MROH2A: variants seen among roughly 807,000 people sequenced by gnomAD.
The protein encoded by MROH2A is maestro heat like repeat family member 2A.
MROH2A carries 174 observed loss-of-function variants against 200.4 expected under a neutral mutation model. That is an observed-to-expected ratio of 0.87 (90% CI 0.77 to 0.98). MROH2A has a LOEUF of 0.98. MROH2A is among the 50% of genes least tolerant of loss of function. The pLI is 0.00. For missense variants in MROH2A, 2,045 were observed against 2,139.6 expected, an observed-to-expected ratio of 0.96 and a Z score of 0.87; for synonymous variants, 829 against 840.4, an observed-to-expected ratio of 0.99 and a Z score of 0.23.
Position 233,807,743 on chromosome 2 carries a change from T to C in MROH2A, c.2183T>C (p.Met728Thr). 2 of 1,550,714 alleles carry C rather than the reference T, an allele frequency of 1.3e-6. No individual in the cohort carries two copies. The highest frequency in any genetic ancestry group is 1.7e-6 in the Non-Finnish European group (2 of 1,147,014). ...SNDFDSEGVI[M>T]CFGLCARGQV... ...TGGGTCTCCCTGCAGGGTGTGATTA[T>C]GTGCTTTGGCCTGTGTGCCCGGGGC... The change falls in exon 21 of 42, where the codon ATG becomes ACG. Residue 728 changes from methionine to threonine, a missense_variant. Transcript: ENST00000389758. This position sits in a 1 kb window ranked among gnomAD's most constrained non-coding sequence, Gnocchi z 4.3.
At chr2:233,817,868 C>G in intron 27 of MROH2A, 134 bp from the exon 28 acceptor site, 2 of 1,083,086 alleles carry the variant, frequency 1.8e-6, no homozygotes, top group East Asian at 5.3e-5. Context: ...CAGACAGTGG[C>G]ACCCTCCCCT....
At chr2:233,793,042 G>A (rs1701881901) in intron 6 of MROH2A, 148 bp downstream of exon 6, 1 of 801,942 alleles carries the variant, frequency 1.2e-6, no homozygotes, top group Non-Finnish European at 1.9e-6. Flanking sequence ...TTTACTTCGT[G>A]TGGCCTCTGA....
Position 233,807,420 on chromosome 2 carries a change from C to T in MROH2A, c.2053-3C>T. 1.9e-6 allele frequency: 3 copies of T among 1,549,906 alleles called. No homozygotes were observed. The Admixed American group carries it at 5.9e-5, about 30-fold the overall frequency. ...AGCTCCTTCCTCCCTTCTGCCTCTC[C>T]AGGGCTTTCTGTACCGGGCCTTGGG... On this transcript the variant is annotated splice_polypyrimidine_tract_variant and splice_region_variant and intron_variant, in intron 19 of 41. Transcript: ENST00000389758. The surrounding 1 kb of genome is among the most constrained non-coding windows in gnomAD (Gnocchi z 4.3).
In MROH2A at chr2:233,790,547, CCTTTCTTTTTCT is replaced by C. The variant is rs1349771925; in HGVS notation, c.571+535_571+546del. On this transcript the variant is annotated intron_variant, in intron 5 of 41. Coordinates refer to ENST00000389758, the MANE Select transcript of MROH2A (RefSeq NM_001394639.1). ...TTACTTACTCTTTCCCCTCCCTCCC[CCTTTCTTTTTCT>C]CCTTCCTTCCTTCCTTCCTCCCTCC... 7.7e-4 allele frequency among the ~76,000 whole-genome samples: 32 copies of C among 41,682 alleles called. 4 individuals are homozygous for C. Among genetic ancestry groups the C allele is most frequent in the South Asian group, 2.8e-3 (2 of 726 alleles). The allele number at this position is 41,682 out of a possible 152,430, so 27.3% of individuals were successfully genotyped here.
rs1394536126 is a variant in MROH2A, at chr2:233,810,046, C to T, written c.2449-748C>T. Among the ~76,000 whole-genome samples, 4 of 152,160 alleles carry T rather than the reference C, an allele frequency of 2.6e-5. No individual in the cohort carries two copies. In the East Asian group the frequency reaches 7.7e-4, roughly 29 times the overall value. ...GGCTTATTTCATTTATCATAATGTT[C>T]TCAAGGTTCATCCATGTAAAAGCAA... On this transcript the variant is annotated intron_variant, in intron 22 of 41. Coordinates refer to ENST00000389758, the MANE Select transcript of MROH2A (RefSeq NM_001394639.1).
intron 3 of MROH2A, among the ~76,000 whole-genome samples, chr2:233,785,545 A>G (rs7593585): frequency 0.052 from 7,857 of 151,804 alleles, 744 homozygotes; most frequent in African/African-American, 0.18. Flanking sequence ...ATGCAGGGTC[A>G]CACAGGGGAA....
intron 38 of MROH2A, among the ~76,000 whole-genome samples, chr2:233,830,863 C>T (rs1704687942): frequency 6.6e-6 from 1 of 152,236 alleles, no homozygotes; most frequent in Non-Finnish European, 1.5e-5. Context: ...TCAGCCCACA[C>T]TGTTCTTCCA....
In MROH2A at chr2:233,818,199, G is replaced by A. The variant is rs368384159; in HGVS notation, c.3085+74G>A. 27 of 1,516,552 alleles carry A rather than the reference G, an allele frequency of 1.8e-5. No individual in the cohort carries two copies. The Admixed American group carries it at 3.8e-4, about 21-fold the overall frequency. The allele number at this position is 1,516,552 out of a possible 1,614,324, so 93.9% of individuals were successfully genotyped here. ...GGCTGACTCCAGGAGTATGGGCTGC[G>A]GCCTGCCCTGGAGGGAAGGATGGCC... On this transcript the variant is annotated intron_variant, in intron 28 of 41. Coordinates refer to ENST00000389758, the MANE Select transcript of MROH2A (RefSeq NM_001394639.1).
Position 233,809,163 on chromosome 2 carries a change from C to A in MROH2A, c.2333C>A (p.Ala778Asp). 6.4e-7 allele frequency: 1 copy of A among 1,550,432 alleles called. No individual in the cohort carries two copies. Among genetic ancestry groups the A allele is most frequent in the East Asian group, 2.4e-5 (1 of 40,912 alleles). ...HPWRRETVKSALMVMYSCVAS... is the reference protein window; with the variant it reads ...HPWRRETVKSDLMVMYSCVAS... ...TGGAGGCGGGAGACAGTGAAAAGTG[C>A]CCTCATGGTGATGTATAGCTGCGTG... The change falls in exon 22 of 42, where the codon GCC (alanine) becomes GAC (aspartate). Residue 778 changes from alanine to aspartate, a missense_variant. Coordinates refer to ENST00000389758, the MANE Select transcript of MROH2A (RefSeq NM_001394639.1).
intron 25 of MROH2A, among the ~76,000 whole-genome samples, chr2:233,813,993 C>T (rs150265471): frequency 8.8e-4 from 134 of 152,294 alleles, no homozygotes; most frequent in African/African-American, 2.9e-3. Flanking sequence ...TTATTTATCA[C>T]CCAAGTCAAG....
intron 23 of MROH2A, 33 bp downstream of exon 23, chr2:233,810,949 TC>T (rs1182358425): frequency 6.5e-7 from 1 of 1,547,590 alleles, no homozygotes; most frequent in African/African-American, 1.4e-5. Flanking sequence ...TTGGTCCTGT[TC>T]CTGGTTTTGG....
Position 233,822,511 on chromosome 2 carries a change from A to G in MROH2A, c.3821A>G (p.Lys1274Arg), listed in dbSNP as rs1704014201. The change falls in exon 33 of 42, where the codon AAG (lysine) becomes AGG (arginine). Residue 1274 changes from lysine to arginine, a missense_variant. Lys to Arg is a conservative substitution (Grantham distance 26). Transcript: ENST00000389758. Reference protein sequence around the residue: ...EAAPPVLKMWKLVHTTPLPEE... With the variant: ...EAAPPVLKMWRLVHTTPLPEE... The stretch of plus-strand genomic sequence containing the variant: ...GCCCCGCCGGTCTTGAAGATGTGGA[A>G]GCTGGTCCACACCACTCCTCTGCCG... 1.3e-6 allele frequency: 2 copies of G among 1,550,630 alleles called. No individual in the cohort carries two copies. The highest frequency in any genetic ancestry group is 1.7e-6 in the Non-Finnish European group (2 of 1,147,042).
Position 233,818,779 on chromosome 2 carries a change from C to T in MROH2A, c.3204+9C>T, listed in dbSNP as rs1381551331. On this transcript the variant is annotated intron_variant, in intron 29 of 41. Transcript: ENST00000389758. Reference sequence around the variant, plus strand: ...CCTCCAGAATCGCCAAGGTGACAGCCGGGGAGCCTGCCTGGGCTGCCAGGC... The same window carrying T: ...CCTCCAGAATCGCCAAGGTGACAGCTGGGGAGCCTGCCTGGGCTGCCAGGC... The T allele has an allele frequency of 1.3e-5, 20 of 1,519,268 alleles. No homozygotes were observed. Among genetic ancestry groups the T allele is most frequent in the African/African-American group, 2.8e-5 (2 of 72,226 alleles). The allele number at this position is 1,519,268 out of a possible 1,614,324, so 94.1% of individuals were successfully genotyped here.
intron 25 of MROH2A, among the ~76,000 whole-genome samples, chr2:233,813,994 C>T (rs1703346133): frequency 6.6e-6 from 1 of 152,152 alleles, no homozygotes; most frequent in South Asian, 2.1e-4. Flanking sequence ...TATTTATCAC[C>T]CAAGTCAAGT....
chr2:233,800,247 A>C lies in MROH2A; in HGVS notation c.1492A>C (p.Arg498=), dbSNP rs1702374948. 1.3e-6 allele frequency: 2 copies of C among 1,550,066 alleles called. No individual in the cohort carries two copies. Among genetic ancestry groups the C allele is most frequent in the Non-Finnish European group, 1.7e-6 (2 of 1,146,808 alleles). The change falls in exon 14 of 42, where the codon AGG becomes CGG. Residue 498 remains arginine, a synonymous_variant. Transcript: ENST00000389758. ...GTTTTATCAGAGGGACTTGGAGGAG[A>C]GGATGGTCCACAAAGTCACCATGGA... ...EKFYQRDLEE[R]MVHKVTMDTV...
chr2:233,820,967 GT>G lies in MROH2A; in HGVS notation c.3512+912del, dbSNP rs943803986. Among the ~76,000 whole-genome samples, 63 of 152,286 alleles carry G rather than the reference GT, an allele frequency of 4.1e-4. No homozygotes were observed. The highest frequency in any genetic ancestry group is 1.5e-3 in the African/African-American group (62 of 41,554). On this transcript the variant is annotated intron_variant, in intron 31 of 41. Transcript: ENST00000389758. The surrounding 1 kb of genome is among the most constrained non-coding windows in gnomAD (Gnocchi z 4.1). Reference sequence around the variant, plus strand: ...GCTCATGAGGCAGTGCTGGGTGGGGGTAAGGGGGATGTGCGGTGCAGCCCTG... The same window carrying G: ...GCTCATGAGGCAGTGCTGGGTGGGGGAAGGGGGATGTGCGGTGCAGCCCTG...
At chr2:233,816,116 T>C (rs1703509827) in intron 26 of MROH2A, among the ~76,000 whole-genome samples, 1 of 152,240 alleles carries the variant, frequency 6.6e-6, no homozygotes, top group Admixed American at 6.5e-5. Flanking sequence ...ATACCATCTA[T>C]CTTGGTAAAT....
chr2:233,807,755 T>C lies in MROH2A; in HGVS notation c.2195T>C (p.Leu732Pro), dbSNP rs976766422. 4.5e-6 allele frequency: 7 copies of C among 1,550,728 alleles called. No homozygotes were observed. Among genetic ancestry groups the C allele is most frequent in the Non-Finnish European group, 6.1e-6 (7 of 1,147,008 alleles). The change falls in exon 21 of 42, where the codon CTG becomes CCG. Residue 732 changes from leucine (L) to proline (P), a missense_variant. Transcript: ENST00000389758. The surrounding 1 kb of genome is among the most constrained non-coding windows in gnomAD (Gnocchi z 4.3). ...DSEGVIMCFG[L>P]CARGQVKTVL... ...CAGGGTGTGATTATGTGCTTTGGCC[T>C]GTGTGCCCGGGGCCAGGTAAAAACG...
At chr2:233,780,002 G>A in intron 3 of MROH2A, 150 bp downstream of exon 3, 2 of 666,802 alleles carry the variant, frequency 3.0e-6, no homozygotes, top group South Asian at 4.2e-5. Flanking sequence ...ACTCCCTGAG[G>A]ACCAATTGGG....
Sources: gnomAD v4.1 joint callset for allele counts (sites outside exome capture counted in the v4.1 genomes callset) on GRCh38, gnomAD v4.1.1 for gene constraint, Gnocchi (gnomAD v3.1) non-coding constraint, MANE v1.5 for transcripts, NCBI Gene and HGNC (gene_info 2026-07-23, HGNC 2026-07-21) for gene names.